FADS3: variants seen among roughly 807,000 people sequenced by gnomAD.
The protein encoded by FADS3 is cytochrome b5-related protein.
A neutral mutation model predicts 60.4 loss-of-function variants in FADS3; 30 were observed. That is an observed-to-expected ratio of 0.50 (90% CI 0.37 to 0.67). The LOEUF is 0.67. FADS3 is among the 30% of genes least tolerant of loss of function. The pLI is 0.00. For missense variants in FADS3, 432 were observed against 598.3 expected (o/e 0.72, Z 2.90); for synonymous variants, 234 against 249.3 (o/e 0.94, Z 0.58).
intron 2 of FADS3, among the ~76,000 whole-genome samples, chr11:61,879,813 A>G (rs890107334): frequency 1.1e-4 from 17 of 152,178 alleles, no homozygotes; most frequent in African/African-American, 4.1e-4. Flanking sequence ...CGGGATCCAA[A>G]CGGGTGCCTG....
At chr11:61,888,663 C>T (rs1044714295) in intron 1 of FADS3, among the ~76,000 whole-genome samples, 3 of 152,208 alleles carry the variant, frequency 2.0e-5, no homozygotes, top group Non-Finnish European at 2.9e-5. Flanking sequence ...TTGCAGGGCA[C>T]GCTCACACTT....
At position 61,876,181 on chromosome 11, in the gene FADS3, T is replaced by A; in HGVS notation, c.1090A>T (p.Thr364Ser). The A allele has an allele frequency of 6.2e-7, 1 of 1,601,702 alleles. No homozygotes were observed. Among genetic ancestry groups the A allele is most frequent in the East Asian group, 2.3e-5 (1 of 44,328 alleles). Reference protein sequence around the residue: ...RDWVSSQLAATCNVEPSLFTN... With the variant: ...RDWVSSQLAASCNVEPSLFTN... ...AAAAGTGAGGGCTCCACGTTGCAGG[T>A]GGCTGCCAGCTGCCGGAAGCCGGCG... Residue 364 changes from threonine (T) to serine (S), a missense_variant, in exon 10 of 12, where the codon ACC (threonine) becomes TCC (serine). Physicochemically the swap from Thr to Ser is moderately conservative, Grantham distance 58. This residue lies in a region of FADS3 where 48 missense variants were observed against 101.3 expected (regional missense o/e 0.47). Coordinates refer to ENST00000278829, the MANE Select transcript of FADS3 (RefSeq NM_021727.5). The surrounding 1 kb of genome is among the most constrained non-coding windows in gnomAD (Gnocchi z 5.7).
At position 61,880,082 on chromosome 11, in the gene FADS3, C is replaced by T; in HGVS notation, c.283G>A (p.Glu95Lys). 3 of 1,614,138 alleles carry T rather than the reference C, an allele frequency of 1.9e-6. No individual in the cohort carries two copies. Among genetic ancestry groups the T allele is most frequent in the East Asian group, 4.5e-5 (2 of 44,890 alleles). Residue 95 changes from glutamate (E) to lysine (K), a missense_variant, in exon 2 of 12, where the codon GAG becomes AAG. Glu to Lys is a moderately conservative substitution (Grantham distance 56, BLOSUM62 1). Around this residue, in one of 5 missense-constraint regions of FADS3, gnomAD observed 167 missense variants for 188.8 expected, o/e 0.88. Transcript: ENST00000278829. ...RKFLQPLLIGELAPEEPSQDG... is the reference protein window; with the variant it reads ...RKFLQPLLIGKLAPEEPSQDG... The stretch of plus-strand genomic sequence containing the variant: ...TGGCTGGGTTCTTCCGGAGCCAGCT[C>T]TCCAATCAACAGGGGCTGTAGGAAC...
intron 11 of FADS3, among the ~76,000 whole-genome samples, chr11:61,875,619 G>A (rs58481740): frequency 6.6e-6 from 1 of 152,138 alleles, no homozygotes. Flanking sequence ...TCAGCCTTTG[G>A]GGGTAGGTTT....
In FADS3 at chr11:61,873,624, C is replaced by G. The variant is rs1421611665; in HGVS notation, c.*190G>C. The G allele has an allele frequency of 1.6e-6, 1 of 608,668 alleles. No homozygotes were observed. Among genetic ancestry groups the G allele is most frequent in the Non-Finnish European group, 3.0e-6 (1 of 338,426 alleles). 37.7% of individuals were successfully genotyped at this position (608,668 alleles called of 1,614,324 possible). On this transcript the variant is annotated 3_prime_UTR_variant, in exon 12 of 12. Transcript: ENST00000278829. Reference sequence around the variant, plus strand: ...CACCTTCCCTCTACCCCTGTCCCATCAGGCCCAGAGCCAAGGCCATAGGGC... The same window carrying G: ...CACCTTCCCTCTACCCCTGTCCCATGAGGCCCAGAGCCAAGGCCATAGGGC...
intron 1 of FADS3, among the ~76,000 whole-genome samples, chr11:61,885,083 G>A (rs11605795): frequency 3.3e-5 from 5 of 152,190 alleles, no homozygotes; most frequent in African/African-American, 7.2e-5. Context: ...GCTGGGATTC[G>A]AACCCGGGCC....
In FADS3 at chr11:61,877,228, G is replaced by A. The variant is rs1269407691; in HGVS notation, c.886-265C>T. 5 of 555,326 alleles carry A rather than the reference G, an allele frequency of 9.0e-6. No homozygotes were observed. Among genetic ancestry groups the A allele is most frequent in the African/African-American group, 1.9e-5 (1 of 52,768 alleles). The allele number at this position is 555,326 out of a possible 1,614,324, so 34.4% of individuals were successfully genotyped here. A position where few individuals can be genotyped will look rare whatever the true frequency, so the allele number is the denominator to read the frequency against. On this transcript the variant is annotated intron_variant, in intron 7 of 11. Coordinates refer to ENST00000278829, the MANE Select transcript of FADS3 (RefSeq NM_021727.5). The surrounding 1 kb of genome is among the most constrained non-coding windows in gnomAD (Gnocchi z 4.7). ...ACCCTGCCAGGGACACAGATGCCTG[G>A]CAGAGTCAGCCCAGCAACTCCTCCT...
At position 61,891,438 on chromosome 11, in the gene FADS3, C is replaced by A; in HGVS notation, c.-57G>T. 8.0e-7 allele frequency: 1 copy of A among 1,252,112 alleles called. No homozygotes were observed. The highest frequency in any genetic ancestry group is 1.0e-6 in the Non-Finnish European group (1 of 978,928). The allele number at this position is 1,252,112 out of a possible 1,614,324, so 77.6% of individuals were successfully genotyped here. A position where few individuals can be genotyped will look rare whatever the true frequency, so the allele number is the denominator to read the frequency against. ...GGTGGCCGAGGTCCGAGCAAGACCC[C>A]GAGGGAAGCGAAGAGCGCTCCCGGG... On this transcript the variant is annotated 5_prime_UTR_variant, in exon 1 of 12. Transcript: ENST00000278829.
At chr11:61,883,725 T>C (rs189505201) in intron 1 of FADS3, among the ~76,000 whole-genome samples, 4 of 152,330 alleles carry the variant, frequency 2.6e-5, no homozygotes, top group African/African-American at 7.2e-5. Context: ...GGGTCCAGAT[T>C]GGTCTCCTCG....
chr11:61,878,356 G>A (rs1450768345), intron 5 of FADS3, 141 bp from the exon 6 acceptor site: 1 of 1,366,518 alleles, frequency 7.3e-7, no homozygotes, highest in African/African-American at 1.4e-5. Flanking sequence ...CCAGCAGGTT[G>A]GGAGGTGGGA....
In FADS3 at chr11:61,891,446, G is replaced by T; in HGVS notation, c.-65C>A. ...AGGTCCGAGCAAGACCCCGAGGGAA[G>T]CGAAGAGCGCTCCCGGGCGCCGCCT... On this transcript the variant is annotated 5_prime_UTR_variant, in exon 1 of 12. Coordinates refer to ENST00000278829, the MANE Select transcript of FADS3 (RefSeq NM_021727.5). 8.5e-7 allele frequency: 1 copy of T among 1,180,986 alleles called. No homozygotes were observed. The allele number at this position is 1,180,986 out of a possible 1,614,324, so 73.2% of individuals were successfully genotyped here.
chr11:61,883,413 G>A (rs745429200), intron 1 of FADS3, among the ~76,000 whole-genome samples: 3 of 152,124 alleles, frequency 2.0e-5, no homozygotes, highest in Non-Finnish European at 4.4e-5. Context: ...CCAGCGTGAT[G>A]GTGAGTCCCT....
At chr11:61,887,188 C>T (rs1018405143) in intron 1 of FADS3, among the ~76,000 whole-genome samples, 1 of 152,222 alleles carries the variant, frequency 6.6e-6, no homozygotes, top group African/African-American at 2.4e-5. Context: ...AAGGATGTGT[C>T]CAAGATCATA....
At chr11:61,879,260 G>C in intron 3 of FADS3, 52 bp downstream of exon 3, 1 of 1,469,704 alleles carries the variant, frequency 6.8e-7, no homozygotes, top group Non-Finnish European at 9.3e-7. Context: ...GATGCATGGG[G>C]GCCCACGTCT....
chr11:61,884,450 C>T (rs1209968234), intron 1 of FADS3, among the ~76,000 whole-genome samples: 4 of 152,198 alleles, frequency 2.6e-5, no homozygotes, highest in Admixed American at 6.5e-5. Flanking sequence ...ACATTCTGCA[C>T]GTTTCCCGGA....
intron 2 of FADS3, 26 bp from the exon 3 acceptor site, chr11:61,879,535 C>T: frequency 6.4e-7 from 1 of 1,570,110 alleles, no homozygotes; most frequent in Non-Finnish European, 8.6e-7. Flanking sequence ...GGCCGATCAG[C>T]CAAGGAAGAA....
chr11:61,883,563 A>G (rs1389125236), intron 1 of FADS3, among the ~76,000 whole-genome samples: 1 of 152,200 alleles, frequency 6.6e-6, no homozygotes, highest in African/African-American at 2.4e-5. Flanking sequence ...ACAGCCTTGC[A>G]CACATGGTAC....
Position 61,876,473 on chromosome 11 carries a change from C to T in FADS3, c.984-18G>A, listed in dbSNP as rs1198938405. 1 of 1,606,482 alleles carries T rather than the reference C, an allele frequency of 6.2e-7. No individual in the cohort carries two copies. The highest frequency in any genetic ancestry group is 1.7e-5 in the Admixed American group (1 of 60,018). Reference sequence around the variant, plus strand: ...CCAGGACCCTGTGGGGAGGCTCGGGCACTGCCCTAGGTCCAGCTCACCACT... The same window carrying T: ...CCAGGACCCTGTGGGGAGGCTCGGGTACTGCCCTAGGTCCAGCTCACCACT... On this transcript the variant is annotated intron_variant, in intron 8 of 11. Transcript: ENST00000278829. The surrounding 1 kb of genome is among the most constrained non-coding windows in gnomAD (Gnocchi z 5.7).
In FADS3 at chr11:61,877,310, C is replaced by A. The variant is rs962885403; in HGVS notation, c.885+201G>T. ...CCCCCCCTGTTCCTCAACCCCCCCC[C>A]ACCACACGTACAGTCACGGGCACAC... On this transcript the variant is annotated intron_variant, in intron 7 of 11. Coordinates refer to ENST00000278829, the MANE Select transcript of FADS3 (RefSeq NM_021727.5). This position sits in a 1 kb window ranked among gnomAD's most constrained non-coding sequence, Gnocchi z 4.7. 4 of 288,034 alleles carry A rather than the reference C, an allele frequency of 1.4e-5. No individual in the cohort carries two copies. The highest frequency in any genetic ancestry group is 2.7e-5 in the Non-Finnish European group (4 of 150,796). 17.8% of individuals were successfully genotyped at this position (288,034 alleles called of 1,614,324 possible).
Sources: allele counts gnomAD v4.1 joint callset (sites outside exome capture counted in the v4.1 genomes callset), GRCh38; gene constraint gnomAD v4.1.1; regional missense constraint gnomAD v4.1.1; non-coding constraint Gnocchi (gnomAD v3.1); transcripts MANE v1.5; gene names NCBI Gene and HGNC (gene_info 2026-07-23, HGNC 2026-07-21).